Variants in NRG2 observed in about 807,000 individuals in gnomAD.
NRG2 encodes the protein pro-neuregulin-2, membrane-bound isoform.
Under a neutral mutation model 73.9 loss-of-function variants are expected in NRG2, and 27 were observed. The ratio of observed to expected loss-of-function variants is 0.37; its 90% CI spans 0.27 to 0.50. The LOEUF is 0.50. NRG2 is among the 20% of genes least tolerant of loss of function. The pLI, the probability that NRG2 is intolerant of heterozygous loss-of-function variation, is 0.96. For missense variants in NRG2, 1,126 were observed against 1,210.1 expected (o/e 0.93, Z 1.03); for synonymous variants, 532 against 541.0 (o/e 0.98, Z 0.23).
intron 3 of NRG2, among the ~76,000 whole-genome samples, chr5:139,873,765 G>A (rs192811133): frequency 6.0e-4 from 91 of 152,372 alleles, no homozygotes; most frequent in Middle Eastern, 3.4e-3. Flanking sequence ...CACCCCAGTC[G>A]AGTGAGCAGT....
intron 5 of NRG2, among the ~76,000 whole-genome samples, chr5:139,862,498 A>G (rs1387454748): frequency 6.6e-6 from 1 of 152,186 alleles, no homozygotes; most frequent in African/African-American, 2.4e-5. Context: ...TTAACCAGAA[A>G]TTTGCATGTT....
intron 1 of NRG2, among the ~76,000 whole-genome samples, chr5:140,027,504 A>G (rs1356484005): frequency 6.6e-6 from 1 of 152,244 alleles, no homozygotes; most frequent in African/African-American, 2.4e-5. Flanking sequence ...AGTATATAGT[A>G]GTCCCCCCTT....
chr5:139,875,141 A>G (rs1763090585), intron 3 of NRG2, among the ~76,000 whole-genome samples: 1 of 152,150 alleles, frequency 6.6e-6, no homozygotes, highest in Admixed American at 6.5e-5. Context: ...CCTCCCAAGT[A>G]GCTGGGATTA....
intron 1 of NRG2, among the ~76,000 whole-genome samples, chr5:139,891,702 C>T (rs1253021327): frequency 6.6e-6 from 1 of 151,302 alleles, no homozygotes; most frequent in Non-Finnish European, 1.5e-5. Context: ...CCAAAAGAGG[C>T]CTATATGGCT....
chr5:139,864,875 A>C, intron 5 of NRG2: 1 of 588,032 alleles, frequency 1.7e-6, no homozygotes. Context: ...GCCCGACCCC[A>C]GAAGTTGGGA....
chr5:139,928,178 C>T (rs1257268542), intron 1 of NRG2, among the ~76,000 whole-genome samples: 2 of 152,148 alleles, frequency 1.3e-5, no homozygotes, highest in Admixed American at 6.5e-5. Flanking sequence ...ATTGTGACAA[C>T]GAGAACAAGT....
intron 1 of NRG2, among the ~76,000 whole-genome samples, chr5:140,030,604 A>T (rs549214614): frequency 6.6e-6 from 1 of 152,330 alleles, no homozygotes; most frequent in Non-Finnish European, 1.5e-5. Context: ...CACAGTGGAA[A>T]CCTACTCAGA....
At position 139,954,351 on chromosome 5, in the gene NRG2, T is replaced by C. The variant is rs911319300; in HGVS notation, c.701-66840A>G. Among the ~76,000 whole-genome samples, 4 of 151,918 alleles carry C rather than the reference T, an allele frequency of 2.6e-5. No homozygotes were observed. The highest frequency in any genetic ancestry group is 2.6e-4 in the Admixed American group (4 of 15,270). On this transcript the variant is annotated intron_variant, in intron 1 of 9. Transcript: ENST00000361474. The surrounding 1 kb of genome is among the most constrained non-coding windows in gnomAD (Gnocchi z 5.0). Reference sequence around the variant, plus strand: ...AGGTCGCCCATGTCAGCACCTATAGTGGACAATGATGAAAAGGAAGAATGA... The same window carrying C: ...AGGTCGCCCATGTCAGCACCTATAGCGGACAATGATGAAAAGGAAGAATGA...
At chr5:139,980,866 G>T (rs1323293278) in intron 1 of NRG2, among the ~76,000 whole-genome samples, 1 of 152,114 alleles carries the variant, frequency 6.6e-6, no homozygotes, top group African/African-American at 2.4e-5. Context: ...CTACTTTCCT[G>T]TCCCAAATGG....
intron 1 of NRG2, among the ~76,000 whole-genome samples, chr5:139,894,000 T>G (rs768534194): frequency 1.3e-5 from 2 of 152,198 alleles, no homozygotes; most frequent in Admixed American, 6.5e-5. Context: ...TCATTAAAGA[T>G]AGCGACAACA....
At chr5:139,977,173 A>G (rs546424053) in intron 1 of NRG2, among the ~76,000 whole-genome samples, 33 of 152,364 alleles carry the variant, frequency 2.2e-4, no homozygotes, top group African/African-American at 7.9e-4. Flanking sequence ...AGATGTTAAT[A>G]CTATAGAACA....
intron 1 of NRG2, among the ~76,000 whole-genome samples, chr5:139,938,896 GAAAGAAAGA>G (rs879919142): frequency 0.13 from 8,975 of 69,108 alleles, 698 homozygotes; most frequent in African/African-American, 0.22. Flanking sequence ...AAGAAAGAAA[GAAAGAAAGA>G]AAAGAAAGAA....
intron 1 of NRG2, among the ~76,000 whole-genome samples, chr5:139,955,681 A>T (rs115522995): frequency 0.011 from 1,633 of 152,230 alleles, 11 homozygotes; most frequent in South Asian, 0.017. Flanking sequence ...GTGAGGTGGG[A>T]TATCAGTAAG....
intron 1 of NRG2, among the ~76,000 whole-genome samples, chr5:140,026,813 A>G (rs924564471): frequency 1.3e-5 from 2 of 152,152 alleles, no homozygotes; most frequent in African/African-American, 4.8e-5. Context: ...AAGACTAGAT[A>G]AATGCTGTTA....
intron 1 of NRG2, among the ~76,000 whole-genome samples, chr5:139,891,790 C>A (rs146380468): frequency 2.2e-4 from 34 of 152,018 alleles, no homozygotes; most frequent in African/African-American, 8.0e-4. Context: ...TGGGGCTGTG[C>A]AAGCCAGGAT....
At position 139,967,828 on chromosome 5, in the gene NRG2, G is replaced by A. The variant is rs145507161; in HGVS notation, c.700+74542C>T. On this transcript the variant is annotated intron_variant, in intron 1 of 9. Coordinates refer to ENST00000361474, the MANE Select transcript of NRG2 (RefSeq NM_004883.3). ...ACAAAAATTAGCCAGGCGTGGTGGCGGGCGCCTGTAGTCCCAGCTACTCAG... is the reference window on the plus strand; with the variant it reads ...ACAAAAATTAGCCAGGCGTGGTGGCAGGCGCCTGTAGTCCCAGCTACTCAG... Among the ~76,000 whole-genome samples, 1,411 of 151,994 alleles carry A rather than the reference G, an allele frequency of 9.3e-3. 11 individuals carry two copies. The highest frequency in any genetic ancestry group is 0.012 in the Non-Finnish European group (839 of 67,948).
chr5:139,878,532 T>C (rs73791219), intron 3 of NRG2, among the ~76,000 whole-genome samples: 11,366 of 152,290 alleles, frequency 0.075, 1,121 homozygotes, highest in African/African-American at 0.23. Flanking sequence ...TGAGAGAAAC[T>C]GTCTTGAGCC....
intron 1 of NRG2, among the ~76,000 whole-genome samples, chr5:139,988,892 A>T (rs1045832846): frequency 6.6e-6 from 1 of 152,018 alleles, no homozygotes; most frequent in African/African-American, 2.4e-5. Flanking sequence ...GGCAGAGGCC[A>T]TATGGGAAAT....
At chr5:139,983,664 C>T (rs1046648241) in intron 1 of NRG2, among the ~76,000 whole-genome samples, 7 of 152,168 alleles carry the variant, frequency 4.6e-5, no homozygotes, top group Admixed American at 1.3e-4. Context: ...TCACAATATT[C>T]CTTTATGTCA....
Sources: gnomAD v4.1 joint callset for allele counts (sites outside exome capture counted in the v4.1 genomes callset) on GRCh38, gnomAD v4.1.1 for gene constraint, Gnocchi (gnomAD v3.1) non-coding constraint, MANE v1.5 for transcripts, NCBI Gene and HGNC (gene_info 2026-07-23, HGNC 2026-07-21) for gene names.